CNTN4: variants seen among roughly 807,000 people sequenced by gnomAD.
The protein encoded by CNTN4 is contactin-4.
CNTN4 carries 77 observed loss-of-function variants against 122.5 expected under a neutral mutation model. The observed-to-expected ratio is 0.63, with a 90% CI of 0.52 to 0.76. The LOEUF (loss-of-function observed/expected upper bound fraction) is 0.76. CNTN4 is among the 30% of genes least tolerant of loss of function. The pLI, the probability that CNTN4 is intolerant of heterozygous loss-of-function variation, is 0.00. For synonymous variants in CNTN4, 512 were observed against 447.0 expected (o/e 1.15, Z -1.83); for missense variants, 1,256 against 1,259.1 (o/e 1.00, Z 0.04).
At position 2,462,545 on chromosome 3, in the gene CNTN4, C is replaced by A. The variant is rs62233819; in HGVS notation, c.-88-108871C>A. Among the ~76,000 whole-genome samples the A allele has an allele frequency of 9.9e-5, 15 of 152,134 alleles. No individual in the cohort carries two copies. In the South Asian group the frequency reaches 2.9e-3, roughly 29 times the overall value. On this transcript the variant is annotated intron_variant, in intron 3 of 24. Coordinates refer to ENST00000418658, the MANE Select transcript of CNTN4 (RefSeq NM_175607.3). ...ATAGGAAGAAAGCTGATGTTTCAGG[C>A]GTTTTCTTTTTGTTTAAACAAACCT...
chr3:3,029,469 G>A (rs1213535354), intron 15 of CNTN4, among the ~76,000 whole-genome samples: 1 of 152,134 alleles, frequency 6.6e-6, no homozygotes, highest in African/African-American at 2.4e-5. Flanking sequence ...AGACAACTAA[G>A]CACCAAAACT....
At chr3:2,917,174 G>A (rs528175151) in intron 12 of CNTN4, among the ~76,000 whole-genome samples, 6 of 150,054 alleles carry the variant, frequency 4.0e-5, no homozygotes, top group South Asian at 2.1e-4. Context: ...GGCGGCGCGC[G>A]CCTGCAATCG....
chr3:3,012,840 T>A (rs1313535686), intron 14 of CNTN4, among the ~76,000 whole-genome samples: 1 of 151,884 alleles, frequency 6.6e-6, no homozygotes, highest in East Asian at 1.9e-4. Flanking sequence ...TGGTGGTGCA[T>A]GCCTGTAATC....
rs1490904583 is a variant in CNTN4, at chr3:2,206,879, T to C, written c.-145+106240T>C. 1.5e-4 allele frequency among the ~76,000 whole-genome samples: 3 copies of C among 19,560 alleles called. No individual in the cohort carries two copies. The East Asian group carries it at 4.0e-3, about 26-fold the overall frequency. 12.8% of individuals were successfully genotyped at this position (19,560 alleles called of 152,430 possible). On this transcript the variant is annotated intron_variant, in intron 2 of 24. Coordinates refer to ENST00000418658, the MANE Select transcript of CNTN4 (RefSeq NM_175607.3). ...ATTACTGCACTTCGCAGATACTGCT[T>C]TTTTTTTTTTTTTTAAAGAATTTTA... is the stretch of plus-strand genomic sequence containing the variant.
chr3:2,457,783 G>C (rs1424355034), intron 3 of CNTN4, among the ~76,000 whole-genome samples: 1 of 152,110 alleles, frequency 6.6e-6, no homozygotes, highest in South Asian at 2.1e-4. Flanking sequence ...AATTCATTAA[G>C]CATGTTTTAG....
chr3:2,633,755 A>G (rs2082542230), intron 4 of CNTN4, among the ~76,000 whole-genome samples: 1 of 152,224 alleles, frequency 6.6e-6, no homozygotes, highest in Non-Finnish European at 1.5e-5. Context: ...GTTAATTCAG[A>G]AAGTCACTTG....
chr3:2,505,402 A>G (rs2076706024), intron 3 of CNTN4, among the ~76,000 whole-genome samples: 1 of 152,130 alleles, frequency 6.6e-6, no homozygotes, highest in South Asian at 2.1e-4. Flanking sequence ...ATTGAGGGGA[A>G]ATGGGAATTC....
chr3:2,693,108 C>T (rs965395), intron 4 of CNTN4, among the ~76,000 whole-genome samples: 3,041 of 152,128 alleles, frequency 0.02, 113 homozygotes, highest in African/African-American at 0.07. Flanking sequence ...CAAAGTAAAC[C>T]GCAAATATCC....
intron 2 of CNTN4, among the ~76,000 whole-genome samples, chr3:2,102,574 A>G (rs541474597): frequency 1.3e-5 from 2 of 152,312 alleles, no homozygotes; most frequent in African/African-American, 4.8e-5. Context: ...TCAAAGTGTG[A>G]TTCAGAGACC....
intron 7 of CNTN4, among the ~76,000 whole-genome samples, chr3:2,822,529 A>G (rs1340829365): frequency 6.6e-6 from 1 of 152,208 alleles, no homozygotes. Flanking sequence ...TCTTTTTAAT[A>G]TGGAATCTGA....
At chr3:2,316,437 CT>C (rs2043101272) in intron 2 of CNTN4, among the ~76,000 whole-genome samples, 1 of 151,940 alleles carries the variant, frequency 6.6e-6, no homozygotes, top group African/African-American at 2.4e-5. Context: ...CAATTTGAAA[CT>C]TTTATTAGTC....
Position 2,866,854 on chromosome 3 carries a change from A to C in CNTN4, c.557A>C (p.Lys186Thr). 8.7e-6 allele frequency: 14 copies of C among 1,614,056 alleles called. No individual in the cohort carries two copies. The highest frequency in any genetic ancestry group is 1.2e-5 in the Non-Finnish European group (14 of 1,179,956). The change falls in exon 8 of 25, where the codon AAA becomes ACA. Residue 186 changes from lysine (K) to threonine (T), a missense_variant. Lys to Thr is a moderately conservative substitution (Grantham distance 78). Coordinates refer to ENST00000418658, the MANE Select transcript of CNTN4 (RefSeq NM_175607.3). Reference protein sequence around the residue: ...TGNLYIAKVEKSDVGNYTCVV... With the variant: ...TGNLYIAKVETSDVGNYTCVV... Reference sequence around the variant, plus strand: ...AATCTGTATATTGCCAAAGTAGAAAAATCAGATGTTGGGAATTATACCTGT... The same window carrying C: ...AATCTGTATATTGCCAAAGTAGAAACATCAGATGTTGGGAATTATACCTGT...
intron 2 of CNTN4, among the ~76,000 whole-genome samples, chr3:2,334,866 C>G (rs1338522722): frequency 1.3e-5 from 2 of 152,094 alleles, no homozygotes; most frequent in Non-Finnish European, 2.9e-5. Flanking sequence ...ATGCTCTTAC[C>G]TGTCACTTGG....
intron 3 of CNTN4, among the ~76,000 whole-genome samples, chr3:2,477,000 A>G (rs2075853506): frequency 6.6e-6 from 1 of 152,158 alleles, no homozygotes; most frequent in Non-Finnish European, 1.5e-5. Flanking sequence ...TGAGAATGAC[A>G]CAGCTGGAAG....
At chr3:3,030,159 C>T (rs1699043336) in intron 15 of CNTN4, among the ~76,000 whole-genome samples, 1 of 152,130 alleles carries the variant, frequency 6.6e-6, no homozygotes, top group African/African-American at 2.4e-5. Flanking sequence ...TTTGTGATAG[C>T]CTGTGGAATC....
At chr3:2,176,578 A>G (rs1291942988) in intron 2 of CNTN4, among the ~76,000 whole-genome samples, 2 of 152,156 alleles carry the variant, frequency 1.3e-5, no homozygotes, top group African/African-American at 2.4e-5. Context: ...TGGTATGCAC[A>G]TATGGCCAAC....
intron 7 of CNTN4, among the ~76,000 whole-genome samples, chr3:2,827,553 A>T (rs1166175141): frequency 6.6e-6 from 1 of 152,208 alleles, no homozygotes; most frequent in Non-Finnish European, 1.5e-5. Flanking sequence ...TACTTTTCGG[A>T]TATATCTCCC....
At chr3:2,426,099 A>G (rs983776905) in intron 3 of CNTN4, among the ~76,000 whole-genome samples, 1 of 152,130 alleles carries the variant, frequency 6.6e-6, no homozygotes, top group Non-Finnish European at 1.5e-5. Flanking sequence ...AACTTCCAAC[A>G]CTATGTTGAA....
Position 2,282,999 on chromosome 3 carries a change from G to A in CNTN4, c.-144-56179G>A, listed in dbSNP as rs1229791614. Among the ~76,000 whole-genome samples, 3 of 152,204 alleles carry A rather than the reference G, an allele frequency of 2.0e-5. No individual in the cohort carries two copies. The East Asian group carries it at 5.8e-4, about 29-fold the overall frequency. On this transcript the variant is annotated intron_variant, in intron 2 of 24. Transcript: ENST00000418658. The stretch of plus-strand genomic sequence containing the variant: ...AGGTTCCTAGGAGCCAGGTACAGAG[G>A]GGAATGGAGAGTTATTGCTTAATGG...
Sources: allele counts gnomAD v4.1 joint callset (sites outside exome capture counted in the v4.1 genomes callset), GRCh38; gene constraint gnomAD v4.1.1; transcripts MANE v1.5; gene names NCBI Gene and HGNC (gene_info 2026-07-23, HGNC 2026-07-21).